The following NRXN3 variants were observed in gnomAD, a reference collection of about 807,000 sequenced individuals.
NRXN3 encodes the protein neurexin 3, also known as neurexin III.
A neutral mutation model predicts 137.6 loss-of-function variants in NRXN3; 32 were observed. That is an observed-to-expected ratio of 0.23 (90% CI 0.18 to 0.31). The LOEUF (loss-of-function observed/expected upper bound fraction) is 0.31. Ranked by LOEUF, NRXN3 falls within the 10% of genes least tolerant of loss-of-function variation. The probability of loss-of-function intolerance (pLI) is 1.00; values close to 1 mark genes in which losing one functional copy is unlikely to be tolerated. For missense variants in NRXN3, 1,574 were observed against 2,062.5 expected (o/e 0.76, Z 4.59); for synonymous variants, 798 against 784.5 (o/e 1.02, Z -0.29).
chr14:79,848,810 TC>T lies in NRXN3; in HGVS notation c.4094-12531del, dbSNP rs1488298432. ...TCCAGCCTCTTGACTTTAAATGGCA[TC>T]TATATGATGATAATTTTCAGTTTAA... On this transcript the variant is annotated intron_variant, in intron 20 of 20. Coordinates refer to ENST00000335750, the MANE Select transcript of NRXN3 (RefSeq NM_001330195.2). 2.2e-4 allele frequency among the ~76,000 whole-genome samples: 33 copies of T among 152,116 alleles called. 1 individual carries two copies. Among genetic ancestry groups the T allele is most frequent in the Non-Finnish European group, 1.5e-5 (1 of 68,012 alleles).
At chr14:78,218,748 G>A (rs2063537685) in intron 1 of NRXN3, among the ~76,000 whole-genome samples, 1 of 152,222 alleles carries the variant, frequency 6.6e-6, no homozygotes, top group South Asian at 2.1e-4. Context: ...AGAGTCAGAA[G>A]TGATGGGGTA....
chr14:79,793,289 C>G (rs1277315032), intron 19 of NRXN3, among the ~76,000 whole-genome samples: 1 of 152,020 alleles, frequency 6.6e-6, no homozygotes, highest in Non-Finnish European at 1.5e-5. Flanking sequence ...AAAAAATCAG[C>G]CGGGCGCCCC....
chr14:79,508,883 A>T (rs191200534), intron 16 of NRXN3, among the ~76,000 whole-genome samples: 1 of 152,018 alleles, frequency 6.6e-6, no homozygotes, highest in African/African-American at 2.4e-5. Context: ...TTAAACACAT[A>T]TGGTTACTGT....
chr14:79,307,217 A>G lies in NRXN3; in HGVS notation c.3263-160004A>G, dbSNP rs114227562. 9.0e-3 allele frequency among the ~76,000 whole-genome samples: 1,370 copies of G among 152,198 alleles called. 16 individuals are homozygous for G. The highest frequency in any genetic ancestry group is 0.032 in the African/African-American group (1,316 of 41,542). On this transcript the variant is annotated intron_variant, in intron 15 of 20. Transcript: ENST00000335750. ...CCTCATATGGAAATGAGCCTCAAAA[A>G]CATTAAATAAGTTACTCTAGGTCCC... is the stretch of plus-strand genomic sequence containing the variant.
At chr14:78,362,320 G>T (rs1301222431) in intron 4 of NRXN3, among the ~76,000 whole-genome samples, 1 of 148,368 alleles carries the variant, frequency 6.7e-6, no homozygotes, top group African/African-American at 2.5e-5. Flanking sequence ...TTTTTCAACT[G>T]GGGTTAGGTT....
At chr14:78,926,715 A>C (rs1417194738) in intron 10 of NRXN3, among the ~76,000 whole-genome samples, 1 of 83,592 alleles carries the variant, frequency 1.2e-5, no homozygotes, top group Non-Finnish European at 2.2e-5. Context: ...ATTATATATT[A>C]TATAATTATA....
chr14:78,821,260 CA>C (rs1318286942), intron 10 of NRXN3, among the ~76,000 whole-genome samples: 3 of 152,102 alleles, frequency 2.0e-5, no homozygotes. Context: ...GTGTTATCCA[CA>C]AGTGCGGGCA....
At chr14:78,801,277 C>T (rs1045434069) in intron 8 of NRXN3, among the ~76,000 whole-genome samples, 4 of 152,078 alleles carry the variant, frequency 2.6e-5, no homozygotes, top group East Asian at 1.9e-4. Flanking sequence ...GCCGAGATCG[C>T]GCTACAGCAC....
intron 4 of NRXN3, among the ~76,000 whole-genome samples, chr14:78,437,076 C>T (rs527427485): frequency 2.1e-4 from 32 of 152,318 alleles, no homozygotes; most frequent in African/African-American, 7.7e-4. Context: ...ATAATAGCAT[C>T]CCCTTCATGT....
At chr14:79,563,034 A>G (rs1024412337) in intron 16 of NRXN3, among the ~76,000 whole-genome samples, 1 of 152,162 alleles carries the variant, frequency 6.6e-6, no homozygotes, top group African/African-American at 2.4e-5. Context: ...ACCCCCAATA[A>G]GCTCAACTTA....
rs1045977384 is a variant in NRXN3, at chr14:79,861,224, G to A, written c.4094-118G>A. ...ACCTTGCTTGTCGGACCAAGGCAGC[G>A]ATGGTTGTGATGATGATGGCTTGGT... On this transcript the variant is annotated intron_variant, in intron 20 of 20. Coordinates refer to ENST00000335750, the MANE Select transcript of NRXN3 (RefSeq NM_001330195.2). The surrounding 1 kb of genome is among the most constrained non-coding windows in gnomAD (Gnocchi z 5.4). The A allele has an allele frequency of 5.9e-6, 9 of 1,534,880 alleles. No individual in the cohort carries two copies. The highest frequency in any genetic ancestry group is 1.4e-5 in the African/African-American group (1 of 72,934).
intron 10 of NRXN3, among the ~76,000 whole-genome samples, chr14:78,900,819 A>C (rs1019740389): frequency 6.6e-6 from 1 of 152,016 alleles, no homozygotes; most frequent in Non-Finnish European, 1.5e-5. Context: ...ATTGAACTGT[A>C]CTGCATATTG....
chr14:78,953,735 G>A (rs559718883), intron 10 of NRXN3, among the ~76,000 whole-genome samples: 92 of 150,890 alleles, frequency 6.1e-4, no homozygotes, highest in African/African-American at 2.1e-3. Flanking sequence ...AGTTTAAGCA[G>A]CCTCAAGAGA....
At chr14:79,467,160 GC>G (rs2096438505) in intron 15 of NRXN3, 60 bp from the exon 16 acceptor site, 1 of 1,500,896 alleles carries the variant, frequency 6.7e-7, no homozygotes, top group Admixed American at 1.8e-5. Flanking sequence ...TCAACAGTGT[GC>G]TACAGCTGGC....
intron 10 of NRXN3, among the ~76,000 whole-genome samples, chr14:78,869,996 A>G (rs910292641): frequency 3.0e-4 from 46 of 152,346 alleles, no homozygotes; most frequent in African/African-American, 1.1e-3. Flanking sequence ...AGTAATGGGA[A>G]TTCTGGCTAA....
intron 19 of NRXN3, among the ~76,000 whole-genome samples, chr14:79,774,957 G>GGT (rs1365305657): frequency 1.3e-5 from 2 of 151,464 alleles, no homozygotes; most frequent in African/African-American, 4.8e-5. Context: ...TGTGTGTGTA[G>GGT]GTGTGTGTGT....
intron 4 of NRXN3, among the ~76,000 whole-genome samples, chr14:78,429,244 ATTTTTTG>A (rs2093782049): frequency 6.6e-6 from 1 of 151,648 alleles, no homozygotes; most frequent in Admixed American, 6.6e-5. Flanking sequence ...ATATATATAT[ATTTTTTG>A]TATATTTAGT....
At chr14:79,785,245 C>T (rs1175544649) in intron 19 of NRXN3, among the ~76,000 whole-genome samples, 2 of 152,118 alleles carry the variant, frequency 1.3e-5, no homozygotes, top group Non-Finnish European at 2.9e-5. Context: ...TTCTGGTGCA[C>T]CATTAGTGTA....
chr14:78,969,971 T>C (rs1476106795), intron 14 of NRXN3, among the ~76,000 whole-genome samples: 2 of 152,156 alleles, frequency 1.3e-5, no homozygotes, highest in Non-Finnish European at 2.9e-5. Flanking sequence ...CTTTTAGTTC[T>C]TTTGTGTATT....
Sources: gnomAD v4.1 joint callset for allele counts (sites outside exome capture counted in the v4.1 genomes callset) on GRCh38, gnomAD v4.1.1 for gene constraint, Gnocchi (gnomAD v3.1) non-coding constraint, MANE v1.5 for transcripts, NCBI Gene and HGNC (gene_info 2026-07-23, HGNC 2026-07-21) for gene names.